Variants in MAML2 observed in about 807,000 individuals in gnomAD.
MAML2 encodes mastermind-like protein 2.
MAML2 carries 22 observed loss-of-function variants against 96.1 expected under a neutral mutation model. The ratio of observed to expected loss-of-function variants is 0.23; its 90% confidence interval spans 0.16 to 0.33. The LOEUF (loss-of-function observed/expected upper bound fraction) is 0.33, where lower values mean the gene tolerates loss of function less well. Among genes scored for constraint, MAML2 ranks in the 10% least tolerant of loss-of-function variants. MAML2 has a pLI of 1.00. For synonymous variants in MAML2, 561 were observed against 521.3 expected, an observed-to-expected ratio of 1.08 and a Z score of -1.04; for missense variants, 1,367 against 1,392.4, an observed-to-expected ratio of 0.98 and a Z score of 0.29.
At chr11:96,110,715 CA>C (rs998413159) in intron 1 of MAML2, among the ~76,000 whole-genome samples, 8 of 150,274 alleles carry the variant, frequency 5.3e-5, no homozygotes, top group South Asian at 2.1e-4. Context: ...TAAGGAACAA[CA>C]AAAAAAAATA....
At chr11:96,102,077 C>A (rs980503523) in intron 1 of MAML2, among the ~76,000 whole-genome samples, 8 of 152,290 alleles carry the variant, frequency 5.3e-5, no homozygotes, top group Admixed American at 5.2e-4. Context: ...GAGATCGAGA[C>A]CATCCTAGCT....
chr11:96,118,397 C>T (rs1397350615), intron 1 of MAML2, among the ~76,000 whole-genome samples: 1 of 152,096 alleles, frequency 6.6e-6, no homozygotes, highest in Non-Finnish European at 1.5e-5. Context: ...GAAACTCCTC[C>T]CTTTGCGGTC....
intron 1 of MAML2, among the ~76,000 whole-genome samples, chr11:96,315,516 C>G (rs753437899): frequency 9.9e-5 from 15 of 152,202 alleles, no homozygotes; most frequent in Non-Finnish European, 1.5e-4. Flanking sequence ...AAAATTTAAA[C>G]TAGTCCTAGG....
intron 2 of MAML2, among the ~76,000 whole-genome samples, chr11:96,082,472 T>C (rs1859542503): frequency 6.6e-6 from 1 of 152,060 alleles, no homozygotes; most frequent in Non-Finnish European, 1.5e-5. Context: ...GGTTCCAAGA[T>C]ACCAGCAGAA....
intron 1 of MAML2, among the ~76,000 whole-genome samples, chr11:96,104,648 TG>T (rs1859992717): frequency 1.3e-5 from 2 of 152,192 alleles, no homozygotes; most frequent in Non-Finnish European, 2.9e-5. Flanking sequence ...TAACAGTATC[TG>T]TAGGCATTTG....
At chr11:96,327,261 C>T (rs376817440) in intron 1 of MAML2, among the ~76,000 whole-genome samples, 21 of 152,152 alleles carry the variant, frequency 1.4e-4, no homozygotes, top group African/African-American at 4.3e-4. Flanking sequence ...TGACTGGCCC[C>T]GAGGTCATCC....
intron 2 of MAML2, among the ~76,000 whole-genome samples, chr11:96,032,010 T>G (rs1248167325): frequency 6.6e-6 from 1 of 151,722 alleles, no homozygotes; most frequent in Non-Finnish European, 1.5e-5. Context: ...TAAAAATAAA[T>G]AAAAAATTAC....
intron 1 of MAML2, among the ~76,000 whole-genome samples, chr11:96,328,133 G>T (rs1395600373): frequency 1.3e-5 from 2 of 152,058 alleles, no homozygotes; most frequent in Non-Finnish European, 2.9e-5. Context: ...GCGCATATGT[G>T]TGTGTGCATG....
chr11:96,120,696 C>G (rs1860323301), intron 1 of MAML2, among the ~76,000 whole-genome samples: 1 of 152,128 alleles, frequency 6.6e-6, no homozygotes, highest in Non-Finnish European at 1.5e-5. Flanking sequence ...CAGTTATTTT[C>G]CCTTTCTTTG....
At chr11:95,983,765 T>A (rs1489423149) in intron 4 of MAML2, among the ~76,000 whole-genome samples, 1 of 152,140 alleles carries the variant, frequency 6.6e-6, no homozygotes, top group Non-Finnish European at 1.5e-5. Context: ...GAAGAAATAT[T>A]TTTGTACAGC....
At chr11:95,989,851 C>T (rs1857883771) in intron 3 of MAML2, among the ~76,000 whole-genome samples, 1 of 152,184 alleles carries the variant, frequency 6.6e-6, no homozygotes, top group African/African-American at 2.4e-5. Context: ...TTCACATGCC[C>T]TGAATACGAA....
rs115670779 is a variant in MAML2 at position 96,145,593 on chromosome 11, T to A, written c.514-52076A>T. On this transcript the variant is annotated intron_variant, in intron 1 of 4. Coordinates refer to ENST00000524717, the MANE Select transcript of MAML2 (RefSeq NM_032427.4). ...TTAAGACGTGTGGGTTCTGGTCCTG[T>A]CTCTTTCACTTATTAGCTGTGTAAC... 4.5e-3 allele frequency among the ~76,000 whole-genome samples: 689 copies of A among 152,332 alleles called. 3 individuals are homozygous for A. Among genetic ancestry groups the A allele is most frequent in the African/African-American group, 0.016 (647 of 41,580 alleles).
chr11:95,983,296 T>G (rs1439320126), intron 4 of MAML2, among the ~76,000 whole-genome samples: 1 of 152,182 alleles, frequency 6.6e-6, no homozygotes, highest in Non-Finnish European at 1.5e-5. Context: ...TTAAAAAATT[T>G]TAAGTGAAAT....
rs115787731 is a variant in MAML2 at position 96,165,964 on chromosome 11, A to G, written c.514-72447T>C. Among the ~76,000 whole-genome samples the G allele has an allele frequency of 4.3e-3, 655 of 152,344 alleles. 6 individuals are homozygous for G. Among genetic ancestry groups the G allele is most frequent in the African/African-American group, 0.015 (623 of 41,564 alleles). ...CAGGATATTTGTGCAGGTATCATGC[A>G]CAGCACAAGACCATGAGGACACAGT... On this transcript the variant is annotated intron_variant, in intron 1 of 4. Coordinates refer to ENST00000524717, the MANE Select transcript of MAML2 (RefSeq NM_032427.4).
chr11:96,085,918 C>A (rs1177073644), intron 2 of MAML2, among the ~76,000 whole-genome samples: 1 of 152,016 alleles, frequency 6.6e-6, no homozygotes, highest in Non-Finnish European at 1.5e-5. Flanking sequence ...ACTAGGATAA[C>A]AAAATAAAAT....
chr11:96,034,456 A>AGAGAGT lies in MAML2; in HGVS notation c.2140-42734_2140-42733insACTCTC, dbSNP rs766634690. Among the ~76,000 whole-genome samples, 353 of 144,814 alleles carry AGAGAGT rather than the reference A, an allele frequency of 2.4e-3. 2 individuals carry two copies. Among genetic ancestry groups the AGAGAGT allele is most frequent in the South Asian group, 0.014 (65 of 4,492 alleles). On this transcript the variant is annotated intron_variant, in intron 2 of 4. Transcript: ENST00000524717. ...GTGAGAGAGAGAGAGAGAGAGAGAG[A>AGAGAGT]GTGTGTGTGTGTGTGTGTGTCAGAG...
At chr11:96,324,322 T>C (rs1261638795) in intron 1 of MAML2, among the ~76,000 whole-genome samples, 1 of 152,232 alleles carries the variant, frequency 6.6e-6, no homozygotes, top group East Asian at 1.9e-4. Flanking sequence ...ATTGCAAAGA[T>C]ATGTTAACAT....
chr11:96,156,627 A>G (rs1208319501), intron 1 of MAML2, among the ~76,000 whole-genome samples: 1 of 152,234 alleles, frequency 6.6e-6, no homozygotes, highest in Non-Finnish European at 1.5e-5. Flanking sequence ...TAGAAAAACA[A>G]GGATACTTTT....
intron 1 of MAML2, among the ~76,000 whole-genome samples, chr11:96,298,617 A>G (rs150730600): frequency 5.9e-5 from 9 of 152,038 alleles, no homozygotes; most frequent in African/African-American, 2.2e-4. Context: ...GCTCTGCGTT[A>G]GGCATTGTGC....
Sources: gnomAD v4.1 joint callset for allele counts (sites outside exome capture counted in the v4.1 genomes callset) on GRCh38, gnomAD v4.1.1 for gene constraint, MANE v1.5 for transcripts, NCBI Gene and HGNC (gene_info 2026-07-23, HGNC 2026-07-21) for gene names.